The following KRTAP17-1 variants were observed in gnomAD, a reference collection of about 807,000 sequenced individuals.
KRTAP17-1 encodes keratin associated protein 17-1.
KRTAP17-1 carries 2 observed loss-of-function variants against 10.4 expected under a neutral mutation model. The observed-to-expected ratio is 0.19, with a 90% CI of 0.08 to 0.61. KRTAP17-1 has a LOEUF of 0.61. KRTAP17-1 is among the 20% of genes least tolerant of loss of function. KRTAP17-1 has a pLI of 0.89. For synonymous variants in KRTAP17-1, 62 were observed against 52.7 expected, an observed-to-expected ratio of 1.18 and a Z score of -0.77; for missense variants, 143 against 136.8, an observed-to-expected ratio of 1.05 and a Z score of -0.23.
In KRTAP17-1 at chr17:41,315,386, C is replaced by G. The variant is rs945065345; in HGVS notation, c.265G>C (p.Gly89Arg). 2 of 1,612,192 alleles carry G rather than the reference C, an allele frequency of 1.2e-6. No individual in the cohort carries two copies. Among genetic ancestry groups the G allele is most frequent in the East Asian group, 4.5e-5 (2 of 44,862 alleles). Residue 89 changes from glycine to arginine, a missense_variant, in exon 1 of 1, where the codon GGG becomes CGG. Physicochemically the swap from Gly to Arg is moderately radical, Grantham distance 125. Coordinates refer to ENST00000334202, the MANE Select transcript of KRTAP17-1 (RefSeq NM_031964.2). ...TGGCAGCACACAGGCCCACAGCACCCGGAGCCGCAGCAACTGGACCCACAG... is the reference window on the plus strand; with the variant it reads ...TGGCAGCACACAGGCCCACAGCACCGGGAGCCGCAGCAACTGGACCCACAG... ...SCCGSSCCGS[G>R]CCGPVCCQPT...
chr17:41,315,703 C>T lies in KRTAP17-1; in HGVS notation c.-53G>A. ...GTAACGCAGCCGGAGTTCCCCACGA[C>T]TGACGGTGGCCAGCCATCTGGATGG... is the stretch of plus-strand genomic sequence containing the variant. On this transcript the variant is annotated 5_prime_UTR_variant, in exon 1 of 1. Coordinates refer to ENST00000334202, the MANE Select transcript of KRTAP17-1 (RefSeq NM_031964.2). The T allele has an allele frequency of 2.7e-6, 4 of 1,506,500 alleles. No individual in the cohort carries two copies. Among genetic ancestry groups the T allele is most frequent in the Non-Finnish European group, 3.6e-6 (4 of 1,113,986 alleles). 93.3% of individuals were successfully genotyped at this position (1,506,500 alleles called of 1,614,324 possible).
Position 41,315,281 on chromosome 17 carries a change from G to T in KRTAP17-1, c.*52C>A. ...CTGGACACGAGGGGCTGTCCCCCTG[G>T]AGCAGATGGAGGCTTTCGGTGGGAC... is the stretch of plus-strand genomic sequence containing the variant. On this transcript the variant is annotated 3_prime_UTR_variant, in exon 1 of 1. Transcript: ENST00000334202. 6.5e-7 allele frequency: 1 copy of T among 1,527,954 alleles called. No homozygotes were observed. Among genetic ancestry groups the T allele is most frequent in the South Asian group, 1.2e-5 (1 of 82,194 alleles). The allele number at this position is 1,527,954 out of a possible 1,614,324, so 94.6% of individuals were successfully genotyped here.
Position 41,315,293 on chromosome 17 carries a change from G to A in KRTAP17-1, c.*40C>T. 2 of 1,555,030 alleles carry A rather than the reference G, an allele frequency of 1.3e-6. No individual in the cohort carries two copies. The highest frequency in any genetic ancestry group is 1.7e-6 in the Non-Finnish European group (2 of 1,150,622). ...GGCTGTCCCCCTGGAGCAGATGGAG[G>A]CTTTCGGTGGGACTGCATCAGTGGT... On this transcript the variant is annotated 3_prime_UTR_variant, in exon 1 of 1. Transcript: ENST00000334202.
Position 41,315,357 on chromosome 17 carries a change from G to T in KRTAP17-1, c.294C>A (p.Pro98=). 1.2e-6 allele frequency: 2 copies of T among 1,610,146 alleles called. No individual in the cohort carries two copies. The highest frequency in any genetic ancestry group is 1.7e-6 in the Non-Finnish European group (2 of 1,179,794). ...TTCATTTTGTGTCGCATATAGGTGT[G>T]GGCTGGCAGCACACAGGCCCACAGC... is the stretch of plus-strand genomic sequence containing the variant. The part of the protein sequence containing the change: ...SGCCGPVCCQ[P]TPICDTK The change falls in exon 1 of 1, where the codon CCC becomes CCA. Residue 98 remains proline, a synonymous_variant. Coordinates refer to ENST00000334202, the MANE Select transcript of KRTAP17-1 (RefSeq NM_031964.2).
At position 41,315,050 on chromosome 17, in the gene KRTAP17-1, A is replaced by G; in HGVS notation, c.*283T>C. On this transcript the variant is annotated 3_prime_UTR_variant, in exon 1 of 1. Transcript: ENST00000334202. ...TGAAGAAGAGGATGTCTTATAGTAC[A>G]AGACATTGAACTTCATGTGAATAAG... The G allele has an allele frequency of 2.3e-6, 1 of 441,094 alleles. No individual in the cohort carries two copies. The allele number at this position is 441,094 out of a possible 1,614,324, so 27.3% of individuals were successfully genotyped here. A position where few individuals can be genotyped will look rare whatever the true frequency, so the allele number is the denominator to read the frequency against.
Position 41,315,362 on chromosome 17 carries a change from G to T in KRTAP17-1, c.289C>A (p.Gln97Lys). The T allele has an allele frequency of 6.2e-7, 1 of 1,610,676 alleles. No individual in the cohort carries two copies. The change falls in exon 1 of 1, where the codon CAG becomes AAG. Residue 97 changes from glutamine (Q) to lysine (K), a missense_variant. Transcript: ENST00000334202. ...TTTGTGTCGCATATAGGTGTGGGCT[G>T]GCAGCACACAGGCCCACAGCACCCG... ...GSGCCGPVCCQPTPICDTK is the reference protein window; with the variant it reads ...GSGCCGPVCCKPTPICDTK
In KRTAP17-1 at chr17:41,315,414, A is replaced by G; in HGVS notation, c.237T>C (p.Ser79=). Residue 79 remains serine (S), a synonymous_variant, in exon 1 of 1, where the codon AGT becomes AGC. Coordinates refer to ENST00000334202, the MANE Select transcript of KRTAP17-1 (RefSeq NM_031964.2). ...GGCGGGCCGS[S]CCGSSCCGSG... is the part of the protein sequence containing the mutation. ...AGCCGCAGCAACTGGACCCACAGCA[A>G]CTGGATCCACAGCAGCCACCCCCGC... 1 of 1,612,292 alleles carries G rather than the reference A, an allele frequency of 6.2e-7. No individual in the cohort carries two copies. Among genetic ancestry groups the G allele is most frequent in the South Asian group, 1.1e-5 (1 of 90,990 alleles).
Position 41,315,344 on chromosome 17 carries a change from C to T in KRTAP17-1, c.307G>A (p.Asp103Asn), listed in dbSNP as rs76002044. Reference protein sequence around the residue: ...PVCCQPTPICDTK With the variant: ...PVCCQPTPICNTK ...GGAGGGAAAGGTCTTCATTTTGTGT[C>T]GCATATAGGTGTGGGCTGGCAGCAC... The change falls in exon 1 of 1, where the codon GAC becomes AAC. Residue 103 changes from aspartate (D) to asparagine (N), a missense_variant. Transcript: ENST00000334202. 3.1e-6 allele frequency: 5 copies of T among 1,604,806 alleles called. No homozygotes were observed. The highest frequency in any genetic ancestry group is 4.2e-6 in the Non-Finnish European group (5 of 1,177,398).
Position 41,315,557 on chromosome 17 carries a change from A to C in KRTAP17-1, c.94T>G (p.Cys32Gly). The change falls in exon 1 of 1, where the codon TGC (cysteine) becomes GGC (glycine). Residue 32 changes from cysteine to glycine, a missense_variant. Transcript: ENST00000334202. ...CCCCCACAGCCACAGCAGGAGCCGC[A>C]GCAGCCACAGCAGCCCGGCTGACAG... is the stretch of plus-strand genomic sequence containing the variant. ...CCCQPGCCGC[C>G]GSCCGCGGSG... 1 of 1,612,208 alleles carries C rather than the reference A, an allele frequency of 6.2e-7. No individual in the cohort carries two copies. The highest frequency in any genetic ancestry group is 8.5e-7 in the Non-Finnish European group (1 of 1,179,370).
Position 41,315,664 on chromosome 17 carries a change from C to T in KRTAP17-1, c.-14G>A. The T allele has an allele frequency of 1.3e-6, 2 of 1,579,232 alleles. No individual in the cohort carries two copies. The highest frequency in any genetic ancestry group is 1.7e-6 in the Non-Finnish European group (2 of 1,159,112). On this transcript the variant is annotated 5_prime_UTR_variant, in exon 1 of 1. Coordinates refer to ENST00000334202, the MANE Select transcript of KRTAP17-1 (RefSeq NM_031964.2). ...GCAGCACCCCATGGTCCGGGCCCGT[C>T]AGCTCGCAGGTCGGTAACGCAGCCG...
rs1296803369 is a variant in KRTAP17-1 at position 41,315,524 on chromosome 17, AGCCAGAG to A, written c.120_126del (p.Ser41AlafsTer71). 3.7e-6 allele frequency: 6 copies of A among 1,604,956 alleles called. No individual in the cohort carries two copies. Among genetic ancestry groups the A allele is most frequent in the Non-Finnish European group, 1.7e-6 (2 of 1,175,380 alleles). ...CTGCCCCCGCAGCCAGAGCCCCCGC[AGCCAGAG>A]CCCCCACAGCCACAGCAGGAGCCGC... On this transcript the variant is annotated frameshift_variant, in exon 1 of 1. Coordinates refer to ENST00000334202, the MANE Select transcript of KRTAP17-1 (RefSeq NM_031964.2). LOFTEE classifies it high-confidence loss of function.
rs1339171979 is a variant in KRTAP17-1 at position 41,315,647 on chromosome 17, C to T, written c.4G>A (p.Gly2Arg). Reference protein sequence around the residue: MGCCPGDCFTCC... With the variant: MRCCPGDCFTCC... The stretch of plus-strand genomic sequence containing the variant: ...GTGAAGCAGTCCCCCGGGCAGCACC[C>T]CATGGTCCGGGCCCGTCAGCTCGCA... The change falls in exon 1 of 1, where the codon GGG becomes AGG. Residue 2 changes from glycine (G) to arginine (R), a missense_variant. Physicochemically the swap from Gly to Arg is moderately radical, Grantham distance 125. Coordinates refer to ENST00000334202, the MANE Select transcript of KRTAP17-1 (RefSeq NM_031964.2). The T allele has an allele frequency of 1.3e-6, 2 of 1,599,500 alleles. No homozygotes were observed. The highest frequency in any genetic ancestry group is 4.5e-5 in the East Asian group (2 of 44,672).
Position 41,315,417 on chromosome 17 carries a change from G to A in KRTAP17-1, c.234C>T (p.Ser78=). The A allele has an allele frequency of 6.2e-7, 1 of 1,612,156 alleles. No individual in the cohort carries two copies. Among genetic ancestry groups the A allele is most frequent in the Non-Finnish European group, 8.5e-7 (1 of 1,179,528 alleles). ...CGCAGCAACTGGACCCACAGCAACT[G>A]GATCCACAGCAGCCACCCCCGCAGC... ...CGGCGGGCCG[S]SCCGSSCCGS... The change falls in exon 1 of 1, where the codon TCC becomes TCT. Residue 78 remains serine, a synonymous_variant. Coordinates refer to ENST00000334202, the MANE Select transcript of KRTAP17-1 (RefSeq NM_031964.2).
At position 41,315,555 on chromosome 17, in the gene KRTAP17-1, G is replaced by GCAGCAGCCA. The variant is rs1567655956; in HGVS notation, c.87_95dup (p.Cys31_Gly33dup). The GCAGCAGCCA allele has an allele frequency of 3.1e-6, 5 of 1,611,886 alleles. No homozygotes were observed. The highest frequency in any genetic ancestry group is 8.5e-7 in the Non-Finnish European group (1 of 1,179,246). ...AGCCCCCACAGCCACAGCAGGAGCC[G>GCAGCAGCCA]CAGCAGCCACAGCAGCCCGGCTGAC... On this transcript the variant is annotated inframe_insertion, in exon 1 of 1. Transcript: ENST00000334202.
At position 41,315,638 on chromosome 17, in the gene KRTAP17-1, G is replaced by C. The variant is rs866483131; in HGVS notation, c.13C>G (p.Pro5Ala). 6.2e-6 allele frequency: 10 copies of C among 1,605,364 alleles called. No homozygotes were observed. The Middle Eastern group carries it at 1.5e-3, about 240-fold the overall frequency. The change falls in exon 1 of 1, where the codon CCG (proline) becomes GCG (alanine). Residue 5 changes from proline to alanine, a missense_variant. By Grantham distance (27) the Pro-to-Ala change is conservative (BLOSUM62 -1). Transcript: ENST00000334202. ...GTGCAGCAGGTGAAGCAGTCCCCCG[G>C]GCAGCACCCCATGGTCCGGGCCCGT... is the stretch of plus-strand genomic sequence containing the variant. MGCC[P>A]GDCFTCCTQE... is the part of the protein sequence containing the mutation.
rs1228831131 is a variant in KRTAP17-1 at position 41,315,079 on chromosome 17, A to G, written c.*254T>C. ...CATTGAACTTCATGTGAATAAGTAA[A>G]GTATTGGGGATTCACCCTTGAGCTT... On this transcript the variant is annotated 3_prime_UTR_variant, in exon 1 of 1. Coordinates refer to ENST00000334202, the MANE Select transcript of KRTAP17-1 (RefSeq NM_031964.2). 4 of 497,164 alleles carry G rather than the reference A, an allele frequency of 8.0e-6. No individual in the cohort carries two copies. The highest frequency in any genetic ancestry group is 1.4e-5 in the Non-Finnish European group (4 of 280,718). The allele number at this position is 497,164 out of a possible 1,614,324, so 30.8% of individuals were successfully genotyped here.
Position 41,314,929 on chromosome 17 carries a change from G to A in KRTAP17-1, c.*404C>T. On this transcript the variant is annotated 3_prime_UTR_variant, in exon 1 of 1. Transcript: ENST00000334202. ...AGAACTAATTAGGTTATGCCAGCAT[G>A]CTCAAATTTATTAAGAGGCTCACAA... 5.9e-6 allele frequency: 1 copy of A among 170,802 alleles called. No homozygotes were observed. The highest frequency in any genetic ancestry group is 1.8e-4 in the South Asian group (1 of 5,556). The allele number at this position is 170,802 out of a possible 1,614,324, so 10.6% of individuals were successfully genotyped here. A position where few individuals can be genotyped will look rare whatever the true frequency, so the allele number is the denominator to read the frequency against.
In KRTAP17-1 at chr17:41,315,204, T is replaced by C. The variant is rs974565660; in HGVS notation, c.*129A>G. 1.1e-6 allele frequency: 1 copy of C among 887,424 alleles called. No individual in the cohort carries two copies. Among genetic ancestry groups the C allele is most frequent in the Non-Finnish European group, 1.7e-6 (1 of 585,072 alleles). 55.0% of individuals were successfully genotyped at this position (887,424 alleles called of 1,614,324 possible). On this transcript the variant is annotated 3_prime_UTR_variant, in exon 1 of 1. Coordinates refer to ENST00000334202, the MANE Select transcript of KRTAP17-1 (RefSeq NM_031964.2). ...AGAGAAGGTGTTGGAGAACAAGCCC[T>C]CCTCTACAAATCACAGAAAGACAAG...
In KRTAP17-1 at chr17:41,315,238, T is replaced by G. The variant is rs571528591; in HGVS notation, c.*95A>C. 8.2e-7 allele frequency: 1 copy of G among 1,217,514 alleles called. No homozygotes were observed. Among genetic ancestry groups the G allele is most frequent in the Admixed American group, 2.1e-5 (1 of 48,586 alleles). 75.4% of individuals were successfully genotyped at this position (1,217,514 alleles called of 1,614,324 possible). On this transcript the variant is annotated 3_prime_UTR_variant, in exon 1 of 1. Transcript: ENST00000334202. ...AATCACAGAAAGACAAGACACTGTC[T>G]TGGGGGTATGGAAGGTTCTGGACAC...
Sources: gnomAD v4.1 joint callset for allele counts on GRCh38, gnomAD v4.1.1 for gene constraint, MANE v1.5 for transcripts, NCBI Gene and HGNC (gene_info 2026-07-23, HGNC 2026-07-21) for gene names.